ADARB1: variants seen among roughly 807,000 people sequenced by gnomAD.
The protein encoded by ADARB1 is adenosine deaminase RNA specific B1.
Under a neutral mutation model 52.4 loss-of-function variants are expected in ADARB1, and 10 were observed. The ratio of observed to expected loss-of-function variants is 0.19; its 90% CI spans 0.12 to 0.32. The LOEUF (loss-of-function observed/expected upper bound fraction) is 0.32, where lower values mean the gene tolerates loss of function less well. Ranked by LOEUF, ADARB1 falls within the 10% of genes least tolerant of loss-of-function variation. The pLI is 1.00. For synonymous variants in ADARB1, 349 were observed against 371.1 expected (o/e 0.94, Z 0.68); for missense variants, 643 against 922.3 (o/e 0.70, Z 3.92).
chr21:45,205,616 C>T (rs1457663429), intron 9 of ADARB1, among the ~76,000 whole-genome samples: 1 of 152,186 alleles, frequency 6.6e-6, no homozygotes, highest in Non-Finnish European at 1.5e-5. Flanking sequence ...TCTGCACCTA[C>T]CCTCGATTCC....
In ADARB1 at chr21:45,176,143, G is replaced by A; in HGVS notation, c.442G>A (p.Ala148Thr). 6.2e-7 allele frequency: 1 copy of A among 1,614,142 alleles called. No homozygotes were observed. Among genetic ancestry groups the A allele is most frequent in the Non-Finnish European group, 8.5e-7 (1 of 1,180,026 alleles). ...GAGGTCTTTCGTTCAGTTTCCTAAT[G>A]CCTCTGAGGCCCACCTGGCCATGGG... is the stretch of plus-strand genomic sequence containing the variant. ...ALRSFVQFPN[A>T]SEAHLAMGRT... The change falls in exon 4 of 11, where the codon GCC (alanine) becomes ACC (threonine). Residue 148 changes from alanine (A) to threonine (T), a missense_variant. Physicochemically the swap from Ala to Thr is moderately conservative, Grantham distance 58 (BLOSUM62 0). This residue lies in a region of ADARB1 where 380 missense variants were observed against 446.5 expected (regional missense o/e 0.85). Coordinates refer to ENST00000348831, the MANE Select transcript of ADARB1 (RefSeq NM_001112.4). This position sits in a 1 kb window ranked among gnomAD's most constrained non-coding sequence, Gnocchi z 5.8.
intron 2 of ADARB1, among the ~76,000 whole-genome samples, chr21:45,163,507 C>T (rs2091087351): frequency 6.6e-6 from 1 of 152,176 alleles, no homozygotes; most frequent in African/African-American, 2.4e-5. Context: ...GGGCAACCAG[C>T]TTTGCACAAG....
intron 2 of ADARB1, among the ~76,000 whole-genome samples, chr21:45,171,142 C>T (rs907581360): frequency 6.6e-6 from 1 of 152,200 alleles, no homozygotes; most frequent in African/African-American, 2.4e-5. Context: ...GGTCTGTCGC[C>T]ATCTGTCATG....
intron 4 of ADARB1, among the ~76,000 whole-genome samples, chr21:45,178,770 A>T (rs1333384057): frequency 6.6e-6 from 1 of 152,100 alleles, no homozygotes; most frequent in Non-Finnish European, 1.5e-5. Context: ...TTGTTCTTAT[A>T]TCTGTCCCCC....
chr21:45,224,600 G>T lies in ADARB1; in HGVS notation c.*2403G>T. 1.4e-6 allele frequency: 1 copy of T among 706,550 alleles called. No individual in the cohort carries two copies. The highest frequency in any genetic ancestry group is 1.6e-6 in the Non-Finnish European group (1 of 618,450). 43.8% of individuals were successfully genotyped at this position (706,550 alleles called of 1,614,324 possible). A position where few individuals can be genotyped will look rare whatever the true frequency, so the allele number is the denominator to read the frequency against. The stretch of plus-strand genomic sequence containing the variant: ...CTGGGCAGGGGGCTACTGGGGGGCG[G>T]CTGTGAGGAGGAGTTGGGTTCAGGG... On this transcript the variant is annotated 3_prime_UTR_variant, in exon 11 of 11. Coordinates refer to ENST00000348831, the MANE Select transcript of ADARB1 (RefSeq NM_001112.4).
chr21:45,221,035 C>T lies in ADARB1; in HGVS notation c.1926+21C>T, dbSNP rs1212961538. The T allele has an allele frequency of 6.3e-6, 10 of 1,587,900 alleles. No individual in the cohort carries two copies. The South Asian group carries it at 1.0e-4, about 16-fold the overall frequency. On this transcript the variant is annotated intron_variant, in intron 10 of 10. Transcript: ENST00000348831. The surrounding 1 kb of genome is among the most constrained non-coding windows in gnomAD (Gnocchi z 4.9). ...GCAAGGTACTGAGGCGCCCTCACCG[C>T]AATGCGCCGGCTCCACCTCCCCAAT... is the stretch of plus-strand genomic sequence containing the variant.
Position 45,191,718 on chromosome 21 carries a change from A to C in ADARB1, c.1565+6627A>C, listed in dbSNP as rs573055997. ...GCCTATACTTTTTCTAAACTTTTTA[A>C]TTGTTCTTATCTGATTTTGGAATCC... On this transcript the variant is annotated intron_variant, in intron 8 of 10. Coordinates refer to ENST00000348831, the MANE Select transcript of ADARB1 (RefSeq NM_001112.4). Among the ~76,000 whole-genome samples, 10 of 151,234 alleles carry C rather than the reference A, an allele frequency of 6.6e-5. No individual in the cohort carries two copies. The East Asian group carries it at 1.9e-3, about 29-fold the overall frequency.
Position 45,225,568 on chromosome 21 carries a change from T to C in ADARB1, c.*3371T>C. 6.0e-6 allele frequency: 8 copies of C among 1,338,244 alleles called. No individual in the cohort carries two copies. Among genetic ancestry groups the C allele is most frequent in the Non-Finnish European group, 7.7e-6 (8 of 1,032,440 alleles). The allele number at this position is 1,338,244 out of a possible 1,614,324, so 82.9% of individuals were successfully genotyped here. ...ACAGGTACACTGAGGAGGGGACGGCTCCGTCTTCACATTGTGCACAGATCT... is the reference window on the plus strand; with the variant it reads ...ACAGGTACACTGAGGAGGGGACGGCCCCGTCTTCACATTGTGCACAGATCT... On this transcript the variant is annotated 3_prime_UTR_variant, in exon 11 of 11. Coordinates refer to ENST00000348831, the MANE Select transcript of ADARB1 (RefSeq NM_001112.4).
intron 2 of ADARB1, among the ~76,000 whole-genome samples, chr21:45,163,835 C>T (rs781010654): frequency 3.3e-5 from 5 of 152,194 alleles, no homozygotes; most frequent in South Asian, 2.1e-4. Context: ...TGCTCTGCCA[C>T]GCTTGTCCCC....
intron 1 of ADARB1, among the ~76,000 whole-genome samples, chr21:45,111,403 C>A (rs1469538532): frequency 6.6e-6 from 1 of 152,198 alleles, no homozygotes; most frequent in African/African-American, 2.4e-5. Flanking sequence ...CAGCCTCCCC[C>A]ATTATCAACA....
chr21:45,134,879 C>T, intron 2 of ADARB1: 1 of 524,750 alleles, frequency 1.9e-6, no homozygotes, highest in South Asian at 1.4e-5. Flanking sequence ...AGCACCACAC[C>T]CCTGGCTGCC....
chr21:45,132,985 A>G (rs1028301834), intron 2 of ADARB1, among the ~76,000 whole-genome samples: 1 of 152,240 alleles, frequency 6.6e-6, no homozygotes, highest in Non-Finnish European at 1.5e-5. Context: ...TTTCCCTGCC[A>G]GCTCCTCCAG....
chr21:45,170,646 T>C (rs2091443649), intron 2 of ADARB1, among the ~76,000 whole-genome samples: 1 of 151,966 alleles, frequency 6.6e-6, no homozygotes, highest in Non-Finnish European at 1.5e-5. Context: ...TTTTAGTACA[T>C]TTTAGTCACC....
At chr21:45,150,585 A>G (rs2090233246) in intron 2 of ADARB1, among the ~76,000 whole-genome samples, 1 of 152,240 alleles carries the variant, frequency 6.6e-6, no homozygotes, top group Non-Finnish European at 1.5e-5. Flanking sequence ...GATTGCTGAC[A>G]TGGATCCTGA....
At chr21:45,086,492 G>A (rs567727844) in intron 1 of ADARB1, among the ~76,000 whole-genome samples, 23 of 152,046 alleles carry the variant, frequency 1.5e-4, no homozygotes, top group Non-Finnish European at 2.6e-4. Context: ...CAGTTGATTC[G>A]CGCACCCAGC....
intron 1 of ADARB1, among the ~76,000 whole-genome samples, chr21:45,119,544 A>G (rs1400749757): frequency 6.6e-6 from 1 of 152,244 alleles, no homozygotes; most frequent in Non-Finnish European, 1.5e-5. Context: ...AGTTCTTATG[A>G]GACGTGTTGT....
At chr21:45,113,316 G>A (rs984166816) in intron 1 of ADARB1, among the ~76,000 whole-genome samples, 4 of 152,168 alleles carry the variant, frequency 2.6e-5, no homozygotes, top group South Asian at 4.1e-4. Flanking sequence ...CCAGCTACTC[G>A]GGAGGCTGAG....
In ADARB1 at chr21:45,224,986, T is replaced by G; in HGVS notation, c.*2789T>G. On this transcript the variant is annotated 3_prime_UTR_variant, in exon 11 of 11. Coordinates refer to ENST00000348831, the MANE Select transcript of ADARB1 (RefSeq NM_001112.4). Reference sequence around the variant, plus strand: ...GGCTTTTAGAGACTTAGCAGAAAATTCGACACAAGCAGGAACTTGATTTTT... The same window carrying G: ...GGCTTTTAGAGACTTAGCAGAAAATGCGACACAAGCAGGAACTTGATTTTT... The G allele has an allele frequency of 1.0e-6, 1 of 985,456 alleles. No homozygotes were observed. The highest frequency in any genetic ancestry group is 1.2e-6 in the Non-Finnish European group (1 of 829,936). 61.0% of individuals were successfully genotyped at this position (985,456 alleles called of 1,614,324 possible).
intron 5 of ADARB1, among the ~76,000 whole-genome samples, chr21:45,181,785 C>T (rs2091940977): frequency 6.6e-6 from 1 of 152,216 alleles, no homozygotes; most frequent in African/African-American, 2.4e-5. Context: ...GTTGAGTGGA[C>T]TTGGGCAGGT....
Sources: allele counts gnomAD v4.1 joint callset (sites outside exome capture counted in the v4.1 genomes callset), GRCh38; gene constraint gnomAD v4.1.1; regional missense constraint gnomAD v4.1.1; non-coding constraint Gnocchi (gnomAD v3.1); transcripts MANE v1.5; gene names NCBI Gene and HGNC (gene_info 2026-07-23, HGNC 2026-07-21).